The following BRWD1 variants were observed in gnomAD, a reference collection of about 807,000 sequenced individuals.
BRWD1 encodes the protein bromodomain and WD repeat-containing protein 1.
BRWD1 carries 82 observed loss-of-function variants against 251.2 expected under a neutral mutation model. That is an observed-to-expected ratio of 0.33 (90% CI 0.27 to 0.39). The LOEUF is 0.39. Ranked by LOEUF, BRWD1 falls within the 10% of genes least tolerant of loss-of-function variation. The probability of loss-of-function intolerance (pLI) is 1.00; values close to 1 mark genes in which losing one functional copy is unlikely to be tolerated. For missense variants in BRWD1, 2,233 were observed against 2,711.6 expected, an observed-to-expected ratio of 0.82 and a Z score of 3.92; for synonymous variants, 918 against 902.8, an observed-to-expected ratio of 1.02 and a Z score of -0.30.
At position 39,189,891 on chromosome 21, in the gene BRWD1, A is replaced by G. The variant is rs1192301280; in HGVS notation, c.*6368T>C. 2.0e-6 allele frequency: 2 copies of G among 985,276 alleles called. No individual in the cohort carries two copies. The highest frequency in any genetic ancestry group is 2.4e-6 in the Non-Finnish European group (2 of 829,910). 61.0% of individuals were successfully genotyped at this position (985,276 alleles called of 1,614,324 possible). On this transcript the variant is annotated 3_prime_UTR_variant, in exon 41 of 41. Coordinates refer to ENST00000342449, the MANE Select transcript of BRWD1 (RefSeq NM_033656.4). ...TGCATTTGTGATGGTGCCATGTGAT[A>G]CTAAGAAGTCAGTAGAATCCCACCA...
At chr21:39,255,591 TATAA>T in intron 19 of BRWD1, 50 bp downstream of exon 19, 1 of 1,441,510 alleles carries the variant, frequency 6.9e-7, no homozygotes, top group Non-Finnish European at 9.7e-7. Flanking sequence ...TAAATAACCA[TATAA>T]ATATATTTTC....
At chr21:39,292,132 T>TGGGGGGGGGGGGG (rs1182694435) in intron 8 of BRWD1, among the ~76,000 whole-genome samples, 5 of 12,352 alleles carry the variant, frequency 4.0e-4, no homozygotes, top group African/African-American at 4.1e-4. Flanking sequence ...TGGGTGGGGG[T>TGGGGGGGGGGGGG]GGGGGGGGGG....
At position 39,208,137 on chromosome 21, in the gene BRWD1, C is replaced by G. The variant is rs543015189; in HGVS notation, c.4197+1858G>C. 3.9e-5 allele frequency among the ~76,000 whole-genome samples: 6 copies of G among 152,242 alleles called. No individual in the cohort carries two copies. The South Asian group carries it at 1.2e-3, about 32-fold the overall frequency. ...CAAATGTTATGTTATATATAGTTAA[C>G]CATAGTTTTGAACAACTGACAATGT... On this transcript the variant is annotated intron_variant, in intron 36 of 40. Coordinates refer to ENST00000342449, the MANE Select transcript of BRWD1 (RefSeq NM_033656.4).
At chr21:39,260,392 A>G (rs532256885) in intron 17 of BRWD1, among the ~76,000 whole-genome samples, 2 of 152,190 alleles carry the variant, frequency 1.3e-5, no homozygotes, top group South Asian at 2.1e-4. Context: ...TGCCTGCCTC[A>G]GCCTCCCAAA....
chr21:39,268,564 A>T (rs1217174993), intron 15 of BRWD1, among the ~76,000 whole-genome samples: 1 of 152,182 alleles, frequency 6.6e-6, no homozygotes, highest in Admixed American at 6.5e-5. Flanking sequence ...AAACTATAAC[A>T]ATCTAATCAT....
chr21:39,218,199 T>C lies in BRWD1; in HGVS notation c.3612A>G (p.Pro1204=). The part of the protein sequence containing the change: ...YPKYCTVVAY[P]TDLYTIRMRL... ...TCATTCGAATTGTGTAAAGATCGGT[T>C]GGATAAGCTACTACAGTACAGTACT... Residue 1204 remains proline, a synonymous_variant, in exon 31 of 41, where the codon CCA becomes CCG. Coordinates refer to ENST00000342449, the MANE Select transcript of BRWD1 (RefSeq NM_033656.4). 2 of 1,612,210 alleles carry C rather than the reference T, an allele frequency of 1.2e-6. No individual in the cohort carries two copies. Among genetic ancestry groups the C allele is most frequent in the Non-Finnish European group, 8.5e-7 (1 of 1,179,592 alleles).
intron 26 of BRWD1, 124 bp downstream of exon 26, chr21:39,229,188 C>A (rs572951695): frequency 2.4e-6 from 2 of 840,566 alleles, no homozygotes; most frequent in South Asian, 1.7e-5. Flanking sequence ...CGAGCCACAT[C>A]TTAGGCTATC....
intron 29 of BRWD1, 29 bp from the exon 30 acceptor site, chr21:39,218,689 G>C: frequency 6.0e-6 from 9 of 1,512,008 alleles, no homozygotes; most frequent in Non-Finnish European, 7.0e-6. Flanking sequence ...ACAATGAGAG[G>C]AAGAAAAAAA....
downstream of BRWD1, chr21:39,185,295 TAAAAAAAAAAAAA>T (rs10525862): frequency 4.2e-5 from 3 of 71,838 alleles, no homozygotes; most frequent in East Asian, 3.8e-4. Context: ...CTGAAATTGC[TAAAAAAAAAAAAA>T]AAAAAAAAAA....
Position 39,191,927 on chromosome 21 carries a change from T to C in BRWD1, c.*4332A>G. On this transcript the variant is annotated 3_prime_UTR_variant, in exon 41 of 41. Coordinates refer to ENST00000342449, the MANE Select transcript of BRWD1 (RefSeq NM_033656.4). ...GCATTGATAATTAAATTCAAACTATTGGTCTTGCCATACTTGAGAAACAGA... is the reference window on the plus strand; with the variant it reads ...GCATTGATAATTAAATTCAAACTATCGGTCTTGCCATACTTGAGAAACAGA... 2.0e-6 allele frequency: 2 copies of C among 984,138 alleles called. No individual in the cohort carries two copies. Among genetic ancestry groups the C allele is most frequent in the Non-Finnish European group, 2.4e-6 (2 of 828,794 alleles). The allele number at this position is 984,138 out of a possible 1,614,324, so 61.0% of individuals were successfully genotyped here.
chr21:39,287,472 CAT>C (rs1248380516), intron 8 of BRWD1, among the ~76,000 whole-genome samples: 1 of 152,170 alleles, frequency 6.6e-6, no homozygotes, highest in Admixed American at 6.5e-5. Context: ...CAATGCATTT[CAT>C]AGTTACAAGT....
chr21:39,294,941 A>T (rs1383149424), intron 7 of BRWD1, among the ~76,000 whole-genome samples: 3 of 152,156 alleles, frequency 2.0e-5, no homozygotes, highest in African/African-American at 4.8e-5. Context: ...CATTAAAATG[A>T]TAAATTCCAA....
At chr21:39,221,661 C>T (rs895244391) in intron 29 of BRWD1, among the ~76,000 whole-genome samples, 1 of 152,164 alleles carries the variant, frequency 6.6e-6, no homozygotes, top group Non-Finnish European at 1.5e-5. Flanking sequence ...CTCAGCCAGG[C>T]TCCGTGGCTC....
intron 13 of BRWD1, among the ~76,000 whole-genome samples, chr21:39,273,894 TAG>T (rs2035197554): frequency 6.6e-6 from 1 of 152,216 alleles, no homozygotes; most frequent in African/African-American, 2.4e-5. Flanking sequence ...CTTTTATTTT[TAG>T]AGAGTCTCGC....
At position 39,236,557 on chromosome 21, in the gene BRWD1, C is replaced by T; in HGVS notation, c.2766+38G>A. On this transcript the variant is annotated intron_variant, in intron 23 of 40. Transcript: ENST00000342449. ...TTGAAATGGGGTAAAGCTGGGGTAT[C>T]ATGATACATGCTATTTTTAAAGATA... is the stretch of plus-strand genomic sequence containing the variant. 2.0e-6 allele frequency: 3 copies of T among 1,473,194 alleles called. No individual in the cohort carries two copies. In the East Asian group the frequency reaches 7.1e-5, roughly 35 times the overall value. The allele number at this position is 1,473,194 out of a possible 1,614,324, so 91.3% of individuals were successfully genotyped here.
upstream of BRWD1, chr21:39,315,737 T>G (rs2036690247): frequency 9.8e-6 from 1 of 102,118 alleles, no homozygotes; most frequent in Non-Finnish European, 2.1e-5. Flanking sequence ...CACTAACAAG[T>G]GATGGAGATT....
rs1315662398 is a variant in BRWD1, at chr21:39,202,616, C to G, written c.4365-71G>C. 6 of 1,025,774 alleles carry G rather than the reference C, an allele frequency of 5.8e-6. No homozygotes were observed. The African/African-American group carries it at 8.1e-5, about 14-fold the overall frequency. The allele number at this position is 1,025,774 out of a possible 1,614,324, so 63.5% of individuals were successfully genotyped here. ...AAGATAATTGGTTCACAGAGAATGA[C>G]TAAATAGAAGTATATCATATTTCTT... On this transcript the variant is annotated intron_variant, in intron 37 of 40. Coordinates refer to ENST00000342449, the MANE Select transcript of BRWD1 (RefSeq NM_033656.4).
rs2031568818 is a variant in BRWD1, at chr21:39,191,804, C to G, written c.*4455G>C. ...AGTTAGGTCAATTGGACTGCCTCTT[C>G]TCTTTGGCAGTCTAAAATCTCATTT... On this transcript the variant is annotated 3_prime_UTR_variant, in exon 41 of 41. Coordinates refer to ENST00000342449, the MANE Select transcript of BRWD1 (RefSeq NM_033656.4). 1.0e-6 allele frequency: 1 copy of G among 984,830 alleles called. No homozygotes were observed. The highest frequency in any genetic ancestry group is 1.2e-6 in the Non-Finnish European group (1 of 829,548). 61.0% of individuals were successfully genotyped at this position (984,830 alleles called of 1,614,324 possible). A position where few individuals can be genotyped will look rare whatever the true frequency, so the allele number is the denominator to read the frequency against.
In BRWD1 at chr21:39,194,128, GGATGGCCA is replaced by G. The variant is rs2031692485; in HGVS notation, c.*2123_*2130del. ...TGGACTGAAAGAAAAAATGGTAATT[GGATGGCCA>G]GTCAATGACCAATTAATGCAGTCCA... On this transcript the variant is annotated 3_prime_UTR_variant, in exon 41 of 41. Coordinates refer to ENST00000342449, the MANE Select transcript of BRWD1 (RefSeq NM_033656.4). 2.0e-6 allele frequency: 2 copies of G among 985,094 alleles called. No individual in the cohort carries two copies. Among genetic ancestry groups the G allele is most frequent in the South Asian group, 9.4e-5 (2 of 21,284 alleles). 61.0% of individuals were successfully genotyped at this position (985,094 alleles called of 1,614,324 possible).
Sources: gnomAD v4.1 joint callset for allele counts (sites outside exome capture counted in the v4.1 genomes callset) on GRCh38, gnomAD v4.1.1 for gene constraint, MANE v1.5 for transcripts, NCBI Gene and HGNC (gene_info 2026-07-23, HGNC 2026-07-21) for gene names.